The following INSYN2B variants were observed in gnomAD, a reference collection of about 807,000 sequenced individuals.
INSYN2B encodes the protein inhibitory synaptic factor family member 2B, also known as protein INSYN2B.
A neutral mutation model predicts 41.2 loss-of-function variants in INSYN2B; 16 were observed. That is an observed-to-expected ratio of 0.39 (90% confidence interval 0.26 to 0.59). INSYN2B has a LOEUF of 0.59. Among genes scored for constraint, INSYN2B ranks in the 20% least tolerant of loss-of-function variants. The pLI is 0.57. For synonymous variants in INSYN2B, 245 were observed against 244.4 expected (o/e 1.00, Z -0.02); for missense variants, 608 against 646.4 (o/e 0.94, Z 0.64).
rs1773018131 is a variant in INSYN2B, at chr5:169,887,122, C to T, written c.-918-2306G>A. Among the ~76,000 whole-genome samples the T allele has an allele frequency of 6.6e-5, 10 of 152,308 alleles. No homozygotes were observed. The South Asian group carries it at 2.1e-3, about 32-fold the overall frequency. On this transcript the variant is annotated intron_variant, in intron 1 of 3. Transcript: ENST00000377365. Reference sequence around the variant, plus strand: ...CACAGGCTTCTCACCATTGGGCCTTCCTGCCTTCTTCAGGACTGGAAAGAT... The same window carrying T: ...CACAGGCTTCTCACCATTGGGCCTTTCTGCCTTCTTCAGGACTGGAAAGAT...
intron 1 of INSYN2B, among the ~76,000 whole-genome samples, chr5:169,901,099 T>C (rs1773895056): frequency 1.3e-5 from 2 of 152,104 alleles, no homozygotes; most frequent in Admixed American, 1.3e-4. Flanking sequence ...GAGTCCTAAT[T>C]GACATTGTGG....
rs1263248619 is a variant in INSYN2B, at chr5:169,934,586, C to T, written c.-919+45691G>A. 6.6e-6 allele frequency: 3 copies of T among 454,572 alleles called. No individual in the cohort carries two copies. In the Admixed American group the frequency reaches 7.1e-5, roughly 11 times the overall value. The allele number at this position is 454,572 out of a possible 1,614,324, so 28.2% of individuals were successfully genotyped here. ...ACCTGGATCTAAATCCTGCTCTTTG[C>T]TTCCAGGCTGTCTGACCTTGGGCAA... On this transcript the variant is annotated intron_variant, in intron 1 of 3. Transcript: ENST00000377365.
chr5:169,911,208 T>C (rs1338123349), intron 1 of INSYN2B, among the ~76,000 whole-genome samples: 1 of 152,238 alleles, frequency 6.6e-6, no homozygotes, highest in Non-Finnish European at 1.5e-5. Flanking sequence ...AGGTATGTGC[T>C]GTGCTTTGAA....
intron 1 of INSYN2B, among the ~76,000 whole-genome samples, chr5:169,938,990 G>A (rs907216288): frequency 2.7e-5 from 4 of 149,038 alleles, no homozygotes; most frequent in Non-Finnish European, 4.4e-5. Context: ...TGCAAGCTCC[G>A]CCTCCTGGGT....
intron 1 of INSYN2B, among the ~76,000 whole-genome samples, chr5:169,914,330 C>T (rs1359951197): frequency 1.3e-5 from 2 of 152,144 alleles, no homozygotes; most frequent in Non-Finnish European, 1.5e-5. Flanking sequence ...CTTCCTAAAC[C>T]TTTCTTTGGT....
At chr5:169,902,215 CA>C (rs1389522894) in intron 1 of INSYN2B, among the ~76,000 whole-genome samples, 21 of 152,324 alleles carry the variant, frequency 1.4e-4, no homozygotes, top group African/African-American at 5.1e-4. Context: ...AACTCCCCTA[CA>C]AAAGAGCTGA....
chr5:169,875,165 C>G (rs1772243565), intron 3 of INSYN2B: 1 of 454,884 alleles, frequency 2.2e-6, no homozygotes, highest in East Asian at 7.0e-5. Context: ...TATCTTCTTT[C>G]AAGACCCTGA....
At chr5:169,958,112 G>A (rs766745862) in intron 1 of INSYN2B, among the ~76,000 whole-genome samples, 5 of 152,232 alleles carry the variant, frequency 3.3e-5, no homozygotes, top group South Asian at 4.1e-4. Context: ...GAAACATGAC[G>A]TCCACATGCA....
chr5:169,956,007 C>T (rs1776850539), intron 1 of INSYN2B, among the ~76,000 whole-genome samples: 1 of 144,394 alleles, frequency 6.9e-6, no homozygotes, highest in Admixed American at 7.0e-5. Context: ...CTCAGGGAAA[C>T]AAAGAGTCAA....
intron 3 of INSYN2B, among the ~76,000 whole-genome samples, chr5:169,872,269 C>T (rs774174393): frequency 3.0e-4 from 45 of 152,116 alleles, no homozygotes; most frequent in Admixed American, 7.2e-4. Flanking sequence ...ATGGATGCAG[C>T]GAGAGTAGTT....
chr5:169,977,993 G>C (rs772681952), intron 1 of INSYN2B, among the ~76,000 whole-genome samples: 2 of 152,164 alleles, frequency 1.3e-5, no homozygotes, highest in African/African-American at 4.8e-5. Flanking sequence ...GCCACTCCTA[G>C]TCTCCAAAGG....
intron 1 of INSYN2B, among the ~76,000 whole-genome samples, chr5:169,946,424 C>G (rs1187590416): frequency 1.3e-5 from 2 of 152,168 alleles, no homozygotes; most frequent in African/African-American, 4.8e-5. Context: ...GTGTTCTTAG[C>G]TGGTTTTCAT....
intron 1 of INSYN2B, among the ~76,000 whole-genome samples, chr5:169,918,022 G>T (rs1318089262): frequency 6.6e-6 from 1 of 152,214 alleles, no homozygotes; most frequent in Non-Finnish European, 1.5e-5. Context: ...GCAAGGAAAG[G>T]TATTTAGCTG....
chr5:169,877,635 C>T (rs938715656), intron 3 of INSYN2B, among the ~76,000 whole-genome samples: 1 of 151,964 alleles, frequency 6.6e-6, no homozygotes, highest in African/African-American at 2.4e-5. Context: ...GAAATGTCTG[C>T]ATGTAGTTGC....
At chr5:169,965,074 G>C (rs1037163076) in intron 1 of INSYN2B, among the ~76,000 whole-genome samples, 1 of 152,188 alleles carries the variant, frequency 6.6e-6, no homozygotes, top group African/African-American at 2.4e-5. Flanking sequence ...GCCACTTGCT[G>C]TGCTAGGGGC....
chr5:169,887,995 T>C (rs1360863900), intron 1 of INSYN2B, among the ~76,000 whole-genome samples: 1 of 152,256 alleles, frequency 6.6e-6, no homozygotes, highest in African/African-American at 2.4e-5. Flanking sequence ...GTGGACATTT[T>C]TTCACATGTT....
In INSYN2B at chr5:169,883,988, C is replaced by T. The variant is rs1772825349; in HGVS notation, c.-90G>A. 4.0e-6 allele frequency: 5 copies of T among 1,264,304 alleles called. No individual in the cohort carries two copies. Among genetic ancestry groups the T allele is most frequent in the Non-Finnish European group, 5.2e-6 (5 of 955,950 alleles). The allele number at this position is 1,264,304 out of a possible 1,614,324, so 78.3% of individuals were successfully genotyped here. On this transcript the variant is annotated 5_prime_UTR_variant, in exon 2 of 4. Transcript: ENST00000377365. ...GGAGCAGTATCTAATGATAGTATTT[C>T]AATCATAGAGAACTGCTGGCCAGGA... is the stretch of plus-strand genomic sequence containing the variant.
chr5:169,969,812 G>T (rs1777435381), intron 1 of INSYN2B, among the ~76,000 whole-genome samples: 1 of 152,248 alleles, frequency 6.6e-6, no homozygotes, highest in South Asian at 2.1e-4. Context: ...GGCCTTGCCT[G>T]CCTAGAAAGG....
At chr5:169,925,876 G>A (rs1442804765) in intron 1 of INSYN2B, among the ~76,000 whole-genome samples, 4 of 152,178 alleles carry the variant, frequency 2.6e-5, no homozygotes, top group African/African-American at 9.7e-5. Flanking sequence ...GGGAGAAGAT[G>A]TTCCCTGGCA....
Sources: gnomAD v4.1 joint callset for allele counts (sites outside exome capture counted in the v4.1 genomes callset) on GRCh38, gnomAD v4.1.1 for gene constraint, MANE v1.5 for transcripts, NCBI Gene and HGNC (gene_info 2026-07-23, HGNC 2026-07-21) for gene names.